Variants in ZBTB20 observed in about 807,000 individuals in gnomAD.
The protein encoded by ZBTB20 is zinc finger and BTB domain containing 20, also known as zinc finger and BTB domain-containing protein 20.
In ZBTB20, 9 loss-of-function variants were observed where a neutral mutation model predicts 56.9. That is an observed-to-expected ratio of 0.16 (90% CI 0.10 to 0.28). The LOEUF is 0.28. Among genes scored for constraint, ZBTB20 ranks in the 10% least tolerant of loss-of-function variants. The probability of loss-of-function intolerance (pLI) is 1.00; values close to 1 mark genes in which losing one functional copy is unlikely to be tolerated. For synonymous variants in ZBTB20, 417 were observed against 420.7 expected (o/e 0.99, Z 0.11); for missense variants, 655 against 1,003.0 (o/e 0.65, Z 4.69).
At chr3:115,014,931 G>T (rs1450397162) in intron 2 of ZBTB20, among the ~76,000 whole-genome samples, 1 of 151,760 alleles carries the variant, frequency 6.6e-6, no homozygotes, top group East Asian at 2.0e-4. Context: ...TTATAAAGTG[G>T]CTGTCACTTT....
At chr3:114,568,110 C>G (rs764131414) in intron 6 of ZBTB20, among the ~76,000 whole-genome samples, 1 of 152,160 alleles carries the variant, frequency 6.6e-6, no homozygotes, top group Non-Finnish European at 1.5e-5. Context: ...GAGAGATAAC[C>G]CTAGCTTTCT....
At chr3:115,100,468 G>A (rs978834634) in intron 1 of ZBTB20, 2 of 152,418 alleles carry the variant, frequency 1.3e-5, no homozygotes, top group African/African-American at 2.4e-5. Context: ...AAGAAACAGA[G>A]AGAAAGGCAC....
intron 5 of ZBTB20, among the ~76,000 whole-genome samples, chr3:114,799,879 T>C (rs530094181): frequency 2.6e-4 from 39 of 152,006 alleles, no homozygotes; most frequent in African/African-American, 8.9e-4. Flanking sequence ...ATTCAGACCA[T>C]AGGCAGAGAC....
intron 6 of ZBTB20, among the ~76,000 whole-genome samples, chr3:114,520,780 A>T (rs2046553255): frequency 6.6e-6 from 1 of 152,158 alleles, no homozygotes; most frequent in Admixed American, 6.5e-5. Flanking sequence ...TAGATATTCC[A>T]AAAGCATCCT....
chr3:114,927,531 C>T (rs2076202778), intron 3 of ZBTB20, among the ~76,000 whole-genome samples: 2 of 152,118 alleles, frequency 1.3e-5, no homozygotes, highest in African/African-American at 4.8e-5. Flanking sequence ...AGTTTCAAAA[C>T]CAACACTCTT....
chr3:114,790,344 A>G (rs1416729396), intron 5 of ZBTB20, among the ~76,000 whole-genome samples: 3 of 152,156 alleles, frequency 2.0e-5, no homozygotes, highest in African/African-American at 7.2e-5. Flanking sequence ...CAACTCTGTG[A>G]AATAACCAAT....
At chr3:114,724,006 C>T (rs1416566605) in intron 5 of ZBTB20, among the ~76,000 whole-genome samples, 2 of 151,596 alleles carry the variant, frequency 1.3e-5, no homozygotes, top group Admixed American at 6.6e-5. Context: ...GTAGCTGGGA[C>T]TACAGGCGCC....
chr3:114,804,586 T>C (rs1272442157), intron 4 of ZBTB20, among the ~76,000 whole-genome samples: 1 of 151,960 alleles, frequency 6.6e-6, no homozygotes, highest in Non-Finnish European at 1.5e-5. Context: ...AGGCTAATTA[T>C]AATACTTTAA....
At chr3:114,353,472 G>A (rs550619663) in intron 10 of ZBTB20, among the ~76,000 whole-genome samples, 8 of 152,246 alleles carry the variant, frequency 5.3e-5, no homozygotes, top group African/African-American at 9.6e-5. Flanking sequence ...ATTCTTTCTC[G>A]TTCTGACTCT....
At chr3:114,466,768 C>T (rs970124471) in intron 7 of ZBTB20, among the ~76,000 whole-genome samples, 22 of 152,198 alleles carry the variant, frequency 1.4e-4, no homozygotes, top group African/African-American at 4.8e-4. Context: ...AGGGACTCTG[C>T]TAGGACCTAA....
At chr3:115,126,569 A>G (rs534957159) in intron 1 of ZBTB20, among the ~76,000 whole-genome samples, 156 of 152,304 alleles carry the variant, frequency 1.0e-3, no homozygotes, top group African/African-American at 3.6e-3. Flanking sequence ...GTGAATCTTA[A>G]TATCTTAATG....
At chr3:114,678,298 A>G (rs1212358171) in intron 6 of ZBTB20, among the ~76,000 whole-genome samples, 1 of 152,194 alleles carries the variant, frequency 6.6e-6, no homozygotes, top group African/African-American at 2.4e-5. Flanking sequence ...ATCACTCTGA[A>G]AACCATTTCT....
At chr3:114,766,360 C>T (rs1346777900) in intron 5 of ZBTB20, among the ~76,000 whole-genome samples, 2 of 150,634 alleles carry the variant, frequency 1.3e-5, no homozygotes, top group African/African-American at 5.0e-5. Context: ...CATATTTAAA[C>T]AAGAAGTTGA....
chr3:114,329,734 A>AC lies in ZBTB20; in HGVS notation c.*9270_*9271insG, dbSNP rs1252318287. The stretch of plus-strand genomic sequence containing the variant: ...GAAAAAAAAAAAAAAAAAAAAAAAA[A>AC]AAACAACTCCCAGGAAAATGAACAC... On this transcript the variant is annotated 3_prime_UTR_variant, in exon 12 of 12. Transcript: ENST00000675478. The AC allele has an allele frequency of 1.3e-5, 2 of 149,252 alleles. No individual in the cohort carries two copies. Among genetic ancestry groups the AC allele is most frequent in the African/African-American group, 5.0e-5 (2 of 40,140 alleles). The allele number at this position is 149,252 out of a possible 1,614,324, so 9.2% of individuals were successfully genotyped here. A position where few individuals can be genotyped will look rare whatever the true frequency, so the allele number is the denominator to read the frequency against.
intron 5 of ZBTB20, among the ~76,000 whole-genome samples, chr3:114,695,776 T>A (rs2062971114): frequency 1.3e-5 from 2 of 152,040 alleles, no homozygotes; most frequent in Non-Finnish European, 2.9e-5. Flanking sequence ...ATGTTTTATG[T>A]TTTTTTCTTT....
intron 4 of ZBTB20, among the ~76,000 whole-genome samples, chr3:114,853,265 G>T (rs1560323265): frequency 6.6e-6 from 1 of 152,086 alleles, no homozygotes; most frequent in Non-Finnish European, 1.5e-5. Context: ...TAAGTAACTG[G>T]AGCATGTGTC....
At chr3:114,810,592 C>G (rs1249104069) in intron 4 of ZBTB20, among the ~76,000 whole-genome samples, 3 of 152,224 alleles carry the variant, frequency 2.0e-5, no homozygotes, top group African/African-American at 7.2e-5. Flanking sequence ...GGGCTCCTAA[C>G]TGTGCTAGTT....
At chr3:114,601,015 A>C (rs2056722687) in intron 6 of ZBTB20, among the ~76,000 whole-genome samples, 1 of 151,892 alleles carries the variant, frequency 6.6e-6, no homozygotes, top group Non-Finnish European at 1.5e-5. Flanking sequence ...ATTCAGAAAG[A>C]ATGGAATTTT....
chr3:114,597,696 C>T (rs1057280582), intron 6 of ZBTB20, among the ~76,000 whole-genome samples: 2 of 152,132 alleles, frequency 1.3e-5, no homozygotes, highest in African/African-American at 2.4e-5. Flanking sequence ...GCCCTAGCTG[C>T]CTTTTTACTA....
Sources: gnomAD v4.1 joint callset for allele counts (sites outside exome capture counted in the v4.1 genomes callset) on GRCh38, gnomAD v4.1.1 for gene constraint, MANE v1.5 for transcripts, NCBI Gene and HGNC (gene_info 2026-07-23, HGNC 2026-07-21) for gene names.